Variants in MYO3A observed in about 807,000 individuals in gnomAD.
The protein encoded by MYO3A is myosin-IIIa.
A neutral mutation model predicts 192.7 loss-of-function variants in MYO3A; 180 were observed. That is an observed-to-expected ratio of 0.93 (90% confidence interval 0.83 to 1.06). The LOEUF (loss-of-function observed/expected upper bound fraction) is 1.06, where lower values mean the gene tolerates loss of function less well. MYO3A is among the 50% of genes least tolerant of loss of function. The probability of loss-of-function intolerance (pLI) is 0.00; values close to 1 mark genes in which losing one functional copy is unlikely to be tolerated. For missense variants in MYO3A, 1,896 were observed against 1,905.0 expected (o/e 1.00, Z 0.09); for synonymous variants, 628 against 645.3 (o/e 0.97, Z 0.41).
intron 10 of MYO3A, among the ~76,000 whole-genome samples, chr10:26,066,622 T>A (rs1450351145): frequency 6.6e-6 from 1 of 152,194 alleles, no homozygotes; most frequent in Non-Finnish European, 1.5e-5. Context: ...TAACACTATC[T>A]CCAACAAAAT....
At chr10:26,185,355 T>TTTTTTTTTTTTTC in intron 31 of MYO3A, among the ~76,000 whole-genome samples, 1 of 134,650 alleles carries the variant, frequency 7.4e-6, no homozygotes, top group Non-Finnish European at 1.5e-5. Context: ...TTTTTTTTTT[T>TTTTTTTTTTTTTC]TTGAGATGGA....
intron 4 of MYO3A, among the ~76,000 whole-genome samples, chr10:25,972,165 T>C (rs1056143811): frequency 6.6e-6 from 1 of 152,188 alleles, no homozygotes; most frequent in African/African-American, 2.4e-5. Context: ...CTTCATTCCT[T>C]CTTCTTTTTT....
chr10:26,074,801 A>C (rs1462496655), intron 14 of MYO3A, among the ~76,000 whole-genome samples: 2 of 151,868 alleles, frequency 1.3e-5, no homozygotes, highest in Admixed American at 1.3e-4. Flanking sequence ...GTGATATCCA[A>C]AAAATCATTG....
chr10:26,069,358 G>A (rs1184978273), intron 12 of MYO3A, among the ~76,000 whole-genome samples: 3 of 151,966 alleles, frequency 2.0e-5, no homozygotes, highest in African/African-American at 7.2e-5. Context: ...TCACAAACAT[G>A]TTTTATGAAT....
intron 20 of MYO3A, among the ~76,000 whole-genome samples, chr10:26,139,782 C>T (rs1204721286): frequency 6.6e-6 from 1 of 152,060 alleles, no homozygotes; most frequent in Non-Finnish European, 1.5e-5. Context: ...ATCCCAGCTA[C>T]TCTAGAGGCC....
intron 10 of MYO3A, among the ~76,000 whole-genome samples, chr10:26,061,390 C>G (rs1834470350): frequency 6.6e-6 from 1 of 152,122 alleles, no homozygotes; most frequent in Non-Finnish European, 1.5e-5. Flanking sequence ...CTGGAAAGAC[C>G]TGCAGTGTCT....
At chr10:26,009,515 A>C (rs1033721213) in intron 6 of MYO3A, among the ~76,000 whole-genome samples, 1 of 152,072 alleles carries the variant, frequency 6.6e-6, no homozygotes, top group Non-Finnish European at 1.5e-5. Context: ...GCTGCCTCCT[A>C]CTCTCTCATT....
At chr10:26,109,083 A>G (rs1416022327) in intron 17 of MYO3A, among the ~76,000 whole-genome samples, 1 of 152,226 alleles carries the variant, frequency 6.6e-6, no homozygotes, top group African/African-American at 2.4e-5. Context: ...TGTTTAGTTC[A>G]GCACTATCTT....
chr10:26,189,115 A>C (rs1290416392), intron 31 of MYO3A, among the ~76,000 whole-genome samples: 1 of 152,236 alleles, frequency 6.6e-6, no homozygotes, highest in Non-Finnish European at 1.5e-5. Flanking sequence ...AAATGGAAGA[A>C]CATTTCATGC....
At position 26,079,078 on chromosome 10, in the gene MYO3A, C is replaced by T. The variant is rs558261943; in HGVS notation, c.1359+8677C>T. ...CATTGTTTCTTTGTTGACTTTCTGC[C>T]TTGATGACCTGTCTAGTGCTGTCAG... On this transcript the variant is annotated intron_variant, in intron 14 of 34. Transcript: ENST00000642920. Among the ~76,000 whole-genome samples the T allele has an allele frequency of 7.1e-4, 108 of 152,066 alleles. 1 individual carries two copies. The highest frequency in any genetic ancestry group is 2.9e-3 in the Admixed American group (44 of 15,282).
chr10:26,153,796 A>G, intron 23 of MYO3A, 54 bp from the exon 24 acceptor site: 3 of 1,162,092 alleles, frequency 2.6e-6, no homozygotes, highest in Non-Finnish European at 3.9e-6. Flanking sequence ...GGGAAAAATC[A>G]TCTAGCCATT....
intron 4 of MYO3A, among the ~76,000 whole-genome samples, chr10:25,960,754 C>G (rs934527972): frequency 1.3e-5 from 2 of 151,928 alleles, no homozygotes; most frequent in Non-Finnish European, 2.9e-5. Flanking sequence ...AGGAGTGGCA[C>G]AGGTTGAAGA....
intron 14 of MYO3A, among the ~76,000 whole-genome samples, chr10:26,075,637 TATATGATATATATGTCTCTC>T (rs1835494843): frequency 1.4e-5 from 2 of 145,320 alleles, no homozygotes; most frequent in Non-Finnish European, 3.0e-5. Context: ...ATGTCTCTCA[TATATGATATATATGTCTCTC>T]ATATATATAT....
intron 10 of MYO3A, among the ~76,000 whole-genome samples, chr10:26,044,347 T>G (rs185967275): frequency 5.2e-4 from 79 of 152,330 alleles, no homozygotes; most frequent in Non-Finnish European, 4.3e-4. Context: ...CAGTAGGACT[T>G]ACTTATGAGT....
chr10:25,989,589 G>C (rs1393316986), intron 4 of MYO3A, among the ~76,000 whole-genome samples: 1 of 152,072 alleles, frequency 6.6e-6, no homozygotes, highest in Non-Finnish European at 1.5e-5. Flanking sequence ...ACCTACTTCA[G>C]ACAGTGGTGA....
intron 15 of MYO3A, among the ~76,000 whole-genome samples, chr10:26,091,910 A>G (rs543764174): frequency 7.9e-5 from 12 of 152,344 alleles, no homozygotes; most frequent in African/African-American, 2.9e-4. Context: ...TGCTAGGCAC[A>G]GGAGACATAA....
intron 10 of MYO3A, among the ~76,000 whole-genome samples, chr10:26,044,443 T>C (rs1487691683): frequency 6.6e-6 from 1 of 152,188 alleles, no homozygotes; most frequent in Non-Finnish European, 1.5e-5. Flanking sequence ...TTGCCAAATC[T>C]CAAATTCTGA....
At chr10:26,095,021 G>A (rs1836928414) in intron 15 of MYO3A, among the ~76,000 whole-genome samples, 1 of 152,102 alleles carries the variant, frequency 6.6e-6, no homozygotes, top group Non-Finnish European at 1.5e-5. Context: ...AGGCTGTGGA[G>A]GGGGTGAAGG....
At chr10:26,091,508 G>A (rs1836700009) in intron 15 of MYO3A, among the ~76,000 whole-genome samples, 1 of 152,158 alleles carries the variant, frequency 6.6e-6, no homozygotes, top group Admixed American at 6.5e-5. Context: ...TGTTACTACA[G>A]TTTAGTTCAG....
Sources: gnomAD v4.1 joint callset for allele counts (sites outside exome capture counted in the v4.1 genomes callset) on GRCh38, gnomAD v4.1.1 for gene constraint, MANE v1.5 for transcripts, NCBI Gene and HGNC (gene_info 2026-07-23, HGNC 2026-07-21) for gene names.